The following FOXP2 variants were observed in gnomAD, a reference collection of about 807,000 sequenced individuals.
The protein encoded by FOXP2 is forkhead box protein P2.
A neutral mutation model predicts 115.8 loss-of-function variants in FOXP2; 12 were observed. The ratio of observed to expected loss-of-function variants is 0.10; its 90% CI spans 0.07 to 0.17. The LOEUF (loss-of-function observed/expected upper bound fraction) is 0.17. Among genes scored for constraint, FOXP2 ranks in the 10% least tolerant of loss-of-function variants. FOXP2 has a pLI of 1.00. For synonymous variants in FOXP2, 328 were observed against 297.7 expected (o/e 1.10, Z -1.05); for missense variants, 629 against 843.5 (o/e 0.75, Z 3.15).
At chr7:114,183,924 G>C (rs1793523333) in intron 1 of FOXP2, among the ~76,000 whole-genome samples, 1 of 152,094 alleles carries the variant, frequency 6.6e-6, no homozygotes, top group Non-Finnish European at 1.5e-5. Flanking sequence ...ATAATCAGTT[G>C]CCAGAAGATT....
At chr7:114,394,003 TGTGA>T (rs1371864497) in intron 2 of FOXP2, among the ~76,000 whole-genome samples, 4,338 of 58,990 alleles carry the variant, frequency 0.074, 122 homozygotes, top group African/African-American at 0.13. Context: ...TGTGTGTGTG[TGTGA>T]GAGAGAGAGA....
chr7:114,378,701 A>AAAAAAAAAAAAAAAAAAAAG (rs1554380027), intron 2 of FOXP2, among the ~76,000 whole-genome samples: 3 of 106,750 alleles, frequency 2.8e-5, no homozygotes, highest in African/African-American at 1.1e-4. Context: ...AAAAAAAAAA[A>AAAAAAAAAAAAAAAAAAAAG]GGAAAAGAAA....
intron 1 of FOXP2, among the ~76,000 whole-genome samples, chr7:114,224,804 C>T (rs1794708554): frequency 6.6e-6 from 1 of 152,054 alleles, no homozygotes; most frequent in Admixed American, 6.6e-5. Flanking sequence ...TAAGTGTGCA[C>T]ATAGCATGCC....
Position 114,658,281 on chromosome 7 carries a change from G to C in FOXP2, c.1468+14G>C. On this transcript the variant is annotated intron_variant, in intron 11 of 16. Coordinates refer to ENST00000350908, the MANE Select transcript of FOXP2 (RefSeq NM_014491.4). ...CCATGTCATCAGGTAGGATATGAAT[G>C]CTCAGTAGAGCACTTTTACTTTGGG... is the stretch of plus-strand genomic sequence containing the variant. 6.2e-7 allele frequency: 1 copy of C among 1,612,818 alleles called. No homozygotes were observed. The highest frequency in any genetic ancestry group is 8.5e-7 in the Non-Finnish European group (1 of 1,179,220).
intron 2 of FOXP2, among the ~76,000 whole-genome samples, chr7:114,448,062 G>C (rs998458034): frequency 6.6e-6 from 1 of 152,106 alleles, no homozygotes; most frequent in African/African-American, 2.4e-5. Flanking sequence ...AAGTGGCCAA[G>C]TTCATTGCAA....
chr7:114,469,912 A>G (rs1480459453), intron 2 of FOXP2, among the ~76,000 whole-genome samples: 1 of 152,182 alleles, frequency 6.6e-6, no homozygotes, highest in Non-Finnish European at 1.5e-5. Context: ...TTTTGAAAGC[A>G]GATATTTAGA....
chr7:114,323,660 T>G (rs1264949419), intron 2 of FOXP2, among the ~76,000 whole-genome samples: 1 of 152,042 alleles, frequency 6.6e-6, no homozygotes, highest in Admixed American at 6.5e-5. Flanking sequence ...TCCTATAGAT[T>G]AGCCATTTGA....
chr7:114,415,628 TA>T (rs936944119), intron 1 of FOXP2, among the ~76,000 whole-genome samples: 110 of 151,304 alleles, frequency 7.3e-4, no homozygotes, highest in African/African-American at 2.0e-3. Flanking sequence ...TCTTTTGTAT[TA>T]AAAAAAAATC....
chr7:114,156,704 G>GA (rs896739545), intron 1 of FOXP2, among the ~76,000 whole-genome samples: 4 of 152,168 alleles, frequency 2.6e-5, no homozygotes, highest in South Asian at 4.1e-4. Context: ...ATTTGGCTGA[G>GA]AAAAAATCTC....
At chr7:114,187,503 G>T (rs1793638795) in intron 1 of FOXP2, among the ~76,000 whole-genome samples, 1 of 152,088 alleles carries the variant, frequency 6.6e-6, no homozygotes, top group Non-Finnish European at 1.5e-5. Flanking sequence ...CCAGCATTCT[G>T]GTCACAACCA....
chr7:114,629,741 T>C, intron 4 of FOXP2, 64 bp from the exon 5 acceptor site: 1 of 1,610,482 alleles, frequency 6.2e-7, no homozygotes, highest in Non-Finnish European at 8.5e-7. Context: ...CTAGAAGAGT[T>C]TAGGAGATTT....
intron 2 of FOXP2, among the ~76,000 whole-genome samples, chr7:114,322,176 C>T (rs1797440865): frequency 6.6e-6 from 1 of 151,724 alleles, no homozygotes; most frequent in Admixed American, 6.6e-5. Flanking sequence ...GTACATGCCA[C>T]CATGCCCAGC....
At chr7:114,659,792 C>T in intron 13 of FOXP2, 119 bp downstream of exon 13, 1 of 786,548 alleles carries the variant, frequency 1.3e-6, no homozygotes, top group Non-Finnish European at 2.2e-6. Flanking sequence ...TTTAACCTGC[C>T]TCTTGAATGG....
At chr7:114,403,194 G>A (rs1792934722) in intron 2 of FOXP2, among the ~76,000 whole-genome samples, 1 of 152,132 alleles carries the variant, frequency 6.6e-6, no homozygotes, top group Non-Finnish European at 1.5e-5. Flanking sequence ...CAACTTCATT[G>A]AAATACATGC....
At chr7:114,098,646 A>G (rs547669748) in intron 1 of FOXP2, among the ~76,000 whole-genome samples, 1 of 152,332 alleles carries the variant, frequency 6.6e-6, no homozygotes, top group African/African-American at 2.4e-5. Context: ...GAGAAAGACT[A>G]TTGGCCTTGG....
chr7:114,139,183 A>C (rs1164087799), intron 1 of FOXP2, among the ~76,000 whole-genome samples: 1 of 152,178 alleles, frequency 6.6e-6, no homozygotes, highest in Admixed American at 6.5e-5. Flanking sequence ...TTTAAAATCA[A>C]CTTTTTGGTA....
intron 2 of FOXP2, among the ~76,000 whole-genome samples, chr7:114,509,975 A>G (rs1280545398): frequency 1.3e-5 from 2 of 152,106 alleles, no homozygotes; most frequent in Non-Finnish European, 2.9e-5. Flanking sequence ...GGTAGAAAAC[A>G]TGGTCAGAAA....
chr7:114,599,982 C>G (rs1272346874), intron 3 of FOXP2, among the ~76,000 whole-genome samples: 2 of 152,110 alleles, frequency 1.3e-5, no homozygotes, highest in Non-Finnish European at 2.9e-5. Flanking sequence ...GCATCTTGCA[C>G]TGGTATGGTG....
At chr7:114,518,398 C>A (rs1462699904) in intron 2 of FOXP2, among the ~76,000 whole-genome samples, 2 of 151,922 alleles carry the variant, frequency 1.3e-5, no homozygotes, top group African/African-American at 4.8e-5. Context: ...GACTAACTTA[C>A]CAGAAACAAT....
Sources: gnomAD v4.1 joint callset for allele counts (sites outside exome capture counted in the v4.1 genomes callset) on GRCh38, gnomAD v4.1.1 for gene constraint, MANE v1.5 for transcripts, NCBI Gene and HGNC (gene_info 2026-07-23, HGNC 2026-07-21) for gene names.